Variants in ZNRF1 observed in about 807,000 individuals in gnomAD.
The protein encoded by ZNRF1 is E3 ubiquitin-protein ligase ZNRF1.
ZNRF1 carries 3 observed loss-of-function variants against 18.4 expected under a neutral mutation model. That is an observed-to-expected ratio of 0.16 (90% CI 0.07 to 0.42). ZNRF1 has a LOEUF of 0.42. Ranked by LOEUF, ZNRF1 falls within the 10% of genes least tolerant of loss-of-function variation. ZNRF1 has a pLI of 0.99. For missense variants in ZNRF1, 310 were observed against 329.8 expected (o/e 0.94, Z 0.47); for synonymous variants, 157 against 144.2 (o/e 1.09, Z -0.64).
chr16:75,017,164 A>G (rs1269155577), intron 1 of ZNRF1, among the ~76,000 whole-genome samples: 2 of 152,226 alleles, frequency 1.3e-5, no homozygotes, highest in Admixed American at 6.5e-5. Flanking sequence ...AGTAAAAACA[A>G]CAAAAACTGG....
At chr16:75,018,594 A>T (rs2145333191) in intron 1 of ZNRF1, among the ~76,000 whole-genome samples, 1 of 152,262 alleles carries the variant, frequency 6.6e-6, no homozygotes, top group South Asian at 2.1e-4. Flanking sequence ...CTACTTTGCT[A>T]AATTATCACA....
intron 1 of ZNRF1, among the ~76,000 whole-genome samples, chr16:75,010,713 T>G (rs78771095): frequency 2.1e-5 from 1 of 48,454 alleles, no homozygotes; most frequent in African/African-American, 4.0e-5. Context: ...TTTTTTTTGT[T>G]TTTTTGTTTT....
At chr16:75,086,521 C>T (rs2036075913) in intron 1 of ZNRF1, among the ~76,000 whole-genome samples, 1 of 152,186 alleles carries the variant, frequency 6.6e-6, no homozygotes, top group Non-Finnish European at 1.5e-5. Context: ...AATGTTTTCA[C>T]TTATTTCTGT....
intron 1 of ZNRF1, among the ~76,000 whole-genome samples, chr16:75,007,148 G>C (rs8063934): frequency 0.023 from 3,528 of 150,816 alleles, 157 homozygotes; most frequent in African/African-American, 0.083. Context: ...GCCTCAGCCT[G>C]TAGGGCTCAA....
At chr16:75,027,981 C>G (rs952614156) in intron 1 of ZNRF1, among the ~76,000 whole-genome samples, 2 of 152,174 alleles carry the variant, frequency 1.3e-5, no homozygotes, top group Non-Finnish European at 2.9e-5. Context: ...CAATGGCACT[C>G]GCCACCGTAT....
At chr16:75,100,714 C>G (rs1211793625) in intron 2 of ZNRF1, among the ~76,000 whole-genome samples, 7 of 152,152 alleles carry the variant, frequency 4.6e-5, no homozygotes, top group Admixed American at 3.3e-4. Flanking sequence ...AGGAAATCCT[C>G]CTTAAGTATG....
intron 1 of ZNRF1, among the ~76,000 whole-genome samples, chr16:75,060,939 C>T (rs1296736009): frequency 6.6e-6 from 1 of 152,150 alleles, no homozygotes; most frequent in Non-Finnish European, 1.5e-5. Flanking sequence ...GAAGGCTGTG[C>T]AGTGGTGACT....
At chr16:75,048,628 C>G (rs971313284) in intron 1 of ZNRF1, among the ~76,000 whole-genome samples, 2 of 152,138 alleles carry the variant, frequency 1.3e-5, no homozygotes, top group Non-Finnish European at 1.5e-5. Context: ...TGTCGGCTCT[C>G]GAGAATAGAA....
intron 1 of ZNRF1, among the ~76,000 whole-genome samples, chr16:75,041,076 T>C (rs1268085376): frequency 6.6e-6 from 1 of 152,242 alleles, no homozygotes; most frequent in East Asian, 1.9e-4. Flanking sequence ...AAGACAATTA[T>C]GAATGATGCT....
At chr16:75,067,131 T>G (rs1427152728) in intron 1 of ZNRF1, among the ~76,000 whole-genome samples, 1 of 152,190 alleles carries the variant, frequency 6.6e-6, no homozygotes, top group African/African-American at 2.4e-5. Flanking sequence ...CGTCATCTGT[T>G]TATGTGTACA....
chr16:75,098,364 G>A (rs1272437879), intron 2 of ZNRF1, among the ~76,000 whole-genome samples: 2 of 152,236 alleles, frequency 1.3e-5, no homozygotes, highest in South Asian at 2.1e-4. Context: ...CCAGGCCTGA[G>A]CTTTAGTTGG....
rs147479357 is a variant in ZNRF1 at position 75,039,530 on chromosome 16, A to T, written c.424+39435A>T. On this transcript the variant is annotated intron_variant, in intron 1 of 4. Coordinates refer to ENST00000335325, the MANE Select transcript of ZNRF1 (RefSeq NM_032268.5). ...AGCTCATGGAGTACTAAACCATGAG[A>T]TCAATCATAAGATTCTCCCTGATAC... Among the ~76,000 whole-genome samples, 78 of 152,346 alleles carry T rather than the reference A, an allele frequency of 5.1e-4. No individual in the cohort carries two copies. In the East Asian group the frequency reaches 0.015, roughly 29 times the overall value.
At chr16:75,032,771 C>G (rs1220018367) in intron 1 of ZNRF1, among the ~76,000 whole-genome samples, 3 of 152,098 alleles carry the variant, frequency 2.0e-5, no homozygotes, top group Admixed American at 2.0e-4. Flanking sequence ...GCCTATAATA[C>G]CAGCACTTTG....
chr16:75,086,229 T>C (rs946032205), intron 1 of ZNRF1, among the ~76,000 whole-genome samples: 6 of 152,154 alleles, frequency 3.9e-5, no homozygotes. Flanking sequence ...AGCCAAATAA[T>C]CTGGGCACCC....
rs564705017 is a variant in ZNRF1 at position 75,015,877 on chromosome 16, G to A, written c.424+15782G>A. 3.9e-5 allele frequency among the ~76,000 whole-genome samples: 6 copies of A among 152,040 alleles called. No homozygotes were observed. The East Asian group carries it at 7.7e-4, about 20-fold the overall frequency. The stretch of plus-strand genomic sequence containing the variant: ...ACCAGCTCTCTCAGCAGCATTTGAG[G>A]AGTAGTAAAGTCATCTATCCTTGTG... On this transcript the variant is annotated intron_variant, in intron 1 of 4. Transcript: ENST00000335325.
chr16:75,104,940 G>A (rs769423298), intron 3 of ZNRF1, 51 bp downstream of exon 3: 15 of 1,434,250 alleles, frequency 1.0e-5, no homozygotes, highest in Admixed American at 2.0e-5. Flanking sequence ...CCAGAGGGGC[G>A]GACCCCCATC....
chr16:75,044,639 T>C (rs1289491184), intron 1 of ZNRF1, among the ~76,000 whole-genome samples: 1 of 152,114 alleles, frequency 6.6e-6, no homozygotes, highest in Non-Finnish European at 1.5e-5. Context: ...GGATTACAGA[T>C]GTGAGCCACC....
At chr16:75,087,598 G>C (rs1016210582) in intron 1 of ZNRF1, among the ~76,000 whole-genome samples, 12 of 152,316 alleles carry the variant, frequency 7.9e-5, no homozygotes, top group African/African-American at 2.6e-4. Context: ...GATCCTGTAG[G>C]CGCATTTGCT....
chr16:75,026,643 A>C (rs1051179132), intron 1 of ZNRF1, among the ~76,000 whole-genome samples: 10 of 152,194 alleles, frequency 6.6e-5, no homozygotes, highest in Non-Finnish European at 1.2e-4. Context: ...GTATGTAATA[A>C]GAATATTTCT....
Sources: allele counts gnomAD v4.1 joint callset (sites outside exome capture counted in the v4.1 genomes callset), GRCh38; gene constraint gnomAD v4.1.1; transcripts MANE v1.5; gene names NCBI Gene and HGNC (gene_info 2026-07-23, HGNC 2026-07-21).